MOXD1: variants seen among roughly 807,000 people sequenced by gnomAD.
MOXD1 encodes the protein DBH-like monooxygenase protein 1.
A neutral mutation model predicts 66.6 loss-of-function variants in MOXD1; 62 were observed. The observed-to-expected ratio is 0.93, with a 90% CI of 0.76 to 1.15. The LOEUF is 1.15. Among genes scored for constraint, MOXD1 ranks in the 50% most tolerant of loss-of-function variants. The probability of loss-of-function intolerance (pLI) is 0.00; values close to 1 mark genes in which losing one functional copy is unlikely to be tolerated. For synonymous variants in MOXD1, 303 were observed against 281.9 expected (o/e 1.07, Z -0.75); for missense variants, 847 against 754.6 (o/e 1.12, Z -1.44).
intron 7 of MOXD1, 118 bp from the exon 8 acceptor site, chr6:132,322,988 T>C (rs921555366): frequency 1.2e-6 from 1 of 863,982 alleles, no homozygotes; most frequent in South Asian, 2.2e-5. Flanking sequence ...TTTAAATGAA[T>C]GCTTGAACTG....
At chr6:132,313,487 T>C (rs995173377) in intron 10 of MOXD1, among the ~76,000 whole-genome samples, 2 of 152,246 alleles carry the variant, frequency 1.3e-5, no homozygotes, top group African/African-American at 4.8e-5. Flanking sequence ...GGAGTGGGTC[T>C]CAGTTCATAA....
chr6:132,312,807 TA>T (rs568849645), intron 10 of MOXD1, among the ~76,000 whole-genome samples: 2,539 of 143,788 alleles, frequency 0.018, 24 homozygotes, highest in Non-Finnish European at 0.026. Context: ...CATTTAAACT[TA>T]AAAAAAAAAA....
intron 4 of MOXD1, among the ~76,000 whole-genome samples, chr6:132,363,076 G>A (rs1249534997): frequency 6.6e-6 from 1 of 152,158 alleles, no homozygotes; most frequent in Admixed American, 6.6e-5. Flanking sequence ...GAAGATTCTG[G>A]TGGGGTCTGC....
chr6:132,386,852 T>C (rs1171801617), intron 1 of MOXD1, among the ~76,000 whole-genome samples: 1 of 151,356 alleles, frequency 6.6e-6, no homozygotes, highest in East Asian at 1.9e-4. Flanking sequence ...GTAAGCTAAA[T>C]TCTTCTACTC....
chr6:132,374,545 T>C (rs958059620), intron 2 of MOXD1, 86 bp downstream of exon 2: 3 of 1,141,350 alleles, frequency 2.6e-6, no homozygotes, highest in Middle Eastern at 2.5e-4. Flanking sequence ...AAAGACTATA[T>C]GACTTGTTTC....
chr6:132,367,283 C>A (rs1350519353), intron 4 of MOXD1, among the ~76,000 whole-genome samples: 1 of 152,022 alleles, frequency 6.6e-6, no homozygotes, highest in Non-Finnish European at 1.5e-5. Context: ...AACAGATTAG[C>A]AATTGAGTGT....
intron 10 of MOXD1, among the ~76,000 whole-genome samples, chr6:132,305,288 T>A (rs879566038): frequency 1.3e-5 from 2 of 152,172 alleles, no homozygotes; most frequent in Non-Finnish European, 2.9e-5. Context: ...CCCTGACCCA[T>A]CCTTCCTCAC....
chr6:132,315,911 A>G (rs1774940169), intron 9 of MOXD1, 134 bp from the exon 10 acceptor site: 1 of 923,826 alleles, frequency 1.1e-6, no homozygotes. Context: ...AAGTTAAAAA[A>G]CTGGCTTTTT....
chr6:132,303,992 A>G (rs1224395876), intron 10 of MOXD1, among the ~76,000 whole-genome samples: 1 of 151,132 alleles, frequency 6.6e-6, no homozygotes, highest in Non-Finnish European at 1.5e-5. Context: ...CTGGAAACAG[A>G]AAATCTTGAG....
chr6:132,320,693 A>C lies in MOXD1; in HGVS notation c.1306-5T>G. 1.2e-6 allele frequency: 2 copies of C among 1,609,952 alleles called. No individual in the cohort carries two copies. The highest frequency in any genetic ancestry group is 1.7e-6 in the Non-Finnish European group (2 of 1,178,134). ...CTCAGTAATTAGGTTATCTCCCTGA[A>C]ACATAAAAGCAAAAGCTTTCAGATT... On this transcript the variant is annotated splice_region_variant and splice_polypyrimidine_tract_variant and intron_variant, in intron 8 of 11. Coordinates refer to ENST00000367963, the MANE Select transcript of MOXD1 (RefSeq NM_015529.4).
At chr6:132,309,433 T>C (rs1774773217) in intron 10 of MOXD1, among the ~76,000 whole-genome samples, 1 of 152,152 alleles carries the variant, frequency 6.6e-6, no homozygotes, top group Non-Finnish European at 1.5e-5. Context: ...ATCATGAAAA[T>C]GGTCATACTG....
At chr6:132,340,776 A>G (rs1186126236) in intron 4 of MOXD1, among the ~76,000 whole-genome samples, 1 of 150,688 alleles carries the variant, frequency 6.6e-6, no homozygotes, top group Admixed American at 6.7e-5. Flanking sequence ...CCTCTGGAGT[A>G]GCTGGGACTA....
Position 132,386,440 on chromosome 6 carries a change from A to C in MOXD1, c.265-11663T>G, listed in dbSNP as rs535892159. On this transcript the variant is annotated intron_variant, in intron 1 of 11. Coordinates refer to ENST00000367963, the MANE Select transcript of MOXD1 (RefSeq NM_015529.4). ...AAACAAAACAAAACAAAACAAAAAA[A>C]AAAAACAAAAAAAAAACGGGAAAAG... Among the ~76,000 whole-genome samples the C allele has an allele frequency of 1.1e-4, 16 of 146,416 alleles. 1 individual carries two copies. The highest frequency in any genetic ancestry group is 1.8e-4 in the Non-Finnish European group (12 of 66,894).
At chr6:132,375,868 AT>A (rs1776368297) in intron 1 of MOXD1, among the ~76,000 whole-genome samples, 1 of 152,232 alleles carries the variant, frequency 6.6e-6, no homozygotes, top group Non-Finnish European at 1.5e-5. Context: ...AAGTTTTAAC[AT>A]TACTAAAATG....
intron 1 of MOXD1, among the ~76,000 whole-genome samples, chr6:132,382,131 T>C (rs1234276917): frequency 3.3e-5 from 5 of 152,132 alleles, no homozygotes; most frequent in Non-Finnish European, 7.4e-5. Flanking sequence ...AATATACGTA[T>C]TTAACATATC....
intron 4 of MOXD1, among the ~76,000 whole-genome samples, chr6:132,355,187 T>C (rs949850301): frequency 8.5e-5 from 13 of 152,058 alleles, no homozygotes; most frequent in African/African-American, 3.1e-4. Context: ...TGGATTCAAA[T>C]TGTTACAAAG....
intron 7 of MOXD1, among the ~76,000 whole-genome samples, chr6:132,323,210 A>G (rs1775117005): frequency 6.6e-6 from 1 of 152,216 alleles, no homozygotes; most frequent in Non-Finnish European, 1.5e-5. Flanking sequence ...AAATTCTTAA[A>G]AGGAAATATT....
At chr6:132,370,568 CATA>C (rs962275450) in intron 4 of MOXD1, among the ~76,000 whole-genome samples, 76 of 152,050 alleles carry the variant, frequency 5.0e-4, no homozygotes, top group African/African-American at 1.8e-3. Context: ...GGTATTCTCA[CATA>C]ATAATAGGAT....
intron 4 of MOXD1, among the ~76,000 whole-genome samples, chr6:132,333,385 A>G (rs1443614666): frequency 6.6e-6 from 1 of 151,774 alleles, no homozygotes; most frequent in Non-Finnish European, 1.5e-5. Flanking sequence ...TCAGAGTAGC[A>G]TTTAAAAAGT....
Sources: allele counts gnomAD v4.1 joint callset (sites outside exome capture counted in the v4.1 genomes callset), GRCh38; gene constraint gnomAD v4.1.1; transcripts MANE v1.5; gene names NCBI Gene and HGNC (gene_info 2026-07-23, HGNC 2026-07-21).